The following ABCA10 variants were observed in gnomAD, a reference collection of about 807,000 sequenced individuals.
The protein encoded by ABCA10 is ATP-binding cassette sub-family A member 10.
ABCA10 carries 169 observed loss-of-function variants against 187.5 expected under a neutral mutation model. The observed-to-expected ratio is 0.90, with a 90% confidence interval of 0.80 to 1.02. The LOEUF (loss-of-function observed/expected upper bound fraction) is 1.02, where lower values mean the gene tolerates loss of function less well. ABCA10 is among the 50% of genes least tolerant of loss of function. The pLI, the probability that ABCA10 is intolerant of heterozygous loss-of-function variation, is 0.00. For missense variants in ABCA10, 1,727 were observed against 1,812.4 expected (o/e 0.95, Z 0.86); for synonymous variants, 574 against 601.8 (o/e 0.95, Z 0.68).
rs1232440724 is a variant in ABCA10, at chr17:69,149,025, A to G, written c.4533+8T>C. The G allele has an allele frequency of 6.2e-7, 1 of 1,613,596 alleles. No individual in the cohort carries two copies. The highest frequency in any genetic ancestry group is 1.3e-5 in the African/African-American group (1 of 74,838). Reference sequence around the variant, plus strand: ...TGGATGGTGCTCACTCGTTCAATGAAAACCCACCTGCTCCAAGGTAGCCTG... The same window carrying G: ...TGGATGGTGCTCACTCGTTCAATGAGAACCCACCTGCTCCAAGGTAGCCTG... On this transcript the variant is annotated splice_region_variant and intron_variant, in intron 38 of 38. Transcript: ENST00000690296.
chr17:69,205,127 C>CA (rs1239519951), intron 9 of ABCA10, among the ~76,000 whole-genome samples: 3 of 150,858 alleles, frequency 2.0e-5, no homozygotes, highest in African/African-American at 7.3e-5. Flanking sequence ...GACCCTGTCT[C>CA]AAAAAAATAA....
chr17:69,223,575 G>T, intron 3 of ABCA10: 3 of 362,820 alleles, frequency 8.3e-6, no homozygotes, highest in East Asian at 9.3e-5. Flanking sequence ...TCTCACTCAG[G>T]GTGAAATCTA....
At chr17:69,194,136 A>T in intron 12 of ABCA10, 147 bp from the exon 13 acceptor site, 2 of 838,570 alleles carry the variant, frequency 2.4e-6, no homozygotes, top group East Asian at 5.4e-5. Flanking sequence ...AATACATTGA[A>T]TAATTCAGAT....
At chr17:69,215,180 A>G (rs9903652) in intron 8 of ABCA10, among the ~76,000 whole-genome samples, 13,864 of 152,212 alleles carry the variant, frequency 0.091, 2,156 homozygotes, top group African/African-American at 0.31. Flanking sequence ...AGTGGGCAAC[A>G]TAATTAGAGC....
chr17:69,157,911 A>AG (rs1041387008), intron 27 of ABCA10, among the ~76,000 whole-genome samples: 4 of 151,862 alleles, frequency 2.6e-5, no homozygotes, highest in Admixed American at 6.6e-5. Flanking sequence ...GACCTTAGGG[A>AG]GGGGGGGATT....
At chr17:69,183,811 G>A (rs2074399714) in intron 20 of ABCA10, among the ~76,000 whole-genome samples, 1 of 152,150 alleles carries the variant, frequency 6.6e-6, no homozygotes, top group Non-Finnish European at 1.5e-5. Flanking sequence ...GAAACTTCCA[G>A]CTGAACTTTG....
At chr17:69,215,784 T>C in intron 8 of ABCA10, 31 bp downstream of exon 8, 1 of 1,428,586 alleles carries the variant, frequency 7.0e-7, no homozygotes, top group African/African-American at 1.5e-5. Flanking sequence ...GAAAATCTAA[T>C]AATAAAATCT....
chr17:69,201,470 G>A, intron 10 of ABCA10, 30 bp downstream of exon 10: 2 of 1,515,688 alleles, frequency 1.3e-6, no homozygotes, highest in Admixed American at 2.3e-5. Flanking sequence ...TTACCTATAA[G>A]TGTACATAGT....
At chr17:69,196,995 G>A (rs1598109706) in intron 11 of ABCA10, 69 bp downstream of exon 11, 1 of 1,165,156 alleles carries the variant, frequency 8.6e-7, no homozygotes, top group Non-Finnish European at 1.2e-6. Flanking sequence ...GCATCAGAGG[G>A]AGACCGTGGA....
upstream of ABCA10, among the ~76,000 whole-genome samples, chr17:69,230,027 T>G (rs948202971): frequency 6.6e-6 from 1 of 152,100 alleles, no homozygotes; most frequent in African/African-American, 2.4e-5. Context: ...GTGTAGCCTT[T>G]AGAAGTGGTG....
At chr17:69,191,461 C>G (rs983576032) in intron 16 of ABCA10, 146 bp from the exon 17 acceptor site, 1 of 851,704 alleles carries the variant, frequency 1.2e-6, no homozygotes, top group African/African-American at 1.8e-5. Flanking sequence ...ATCAGATACT[C>G]CACTTCAAAT....
In ABCA10 at chr17:69,194,583, G is replaced by A. The variant is rs1017045925; in HGVS notation, c.1235-88C>T. The A allele has an allele frequency of 2.1e-5, 17 of 792,480 alleles. No homozygotes were observed. In the African/African-American group the frequency reaches 2.5e-4, roughly 12 times the overall value. 49.1% of individuals were successfully genotyped at this position (792,480 alleles called of 1,614,324 possible). The stretch of plus-strand genomic sequence containing the variant: ...AATTGGAAAAGTAAAATATATCTCA[G>A]CATTTCATTTCATTGGTATTTTAAT... On this transcript the variant is annotated intron_variant, in intron 11 of 38. Coordinates refer to ENST00000690296, the MANE Select transcript of ABCA10 (RefSeq NM_001377321.1).
intron 9 of ABCA10, among the ~76,000 whole-genome samples, chr17:69,211,349 A>ATG (rs1440354960): frequency 2.0e-4 from 4 of 20,006 alleles, no homozygotes; most frequent in African/African-American, 4.9e-4. Context: ...ATATATATAT[A>ATG]TATATATATA....
At chr17:69,193,402 A>C (rs901998751) in intron 14 of ABCA10, 91 bp downstream of exon 14, 33 of 1,514,640 alleles carry the variant, frequency 2.2e-5, no homozygotes, top group Non-Finnish European at 2.8e-5. Flanking sequence ...ATTTTCCCTC[A>C]CATTTGGTAA....
chr17:69,239,602 C>T (rs1361398113), intron 1 of ABCA10, among the ~76,000 whole-genome samples: 3 of 152,124 alleles, frequency 2.0e-5, no homozygotes, highest in East Asian at 1.9e-4. Flanking sequence ...GTCAGGCTTT[C>T]GACAGAGTTG....
Position 69,211,332 on chromosome 17 carries a change from TATATATATATATA to T in ABCA10, c.1006+3359_1006+3371del, listed in dbSNP as rs970172550. On this transcript the variant is annotated intron_variant, in intron 9 of 38. Coordinates refer to ENST00000690296, the MANE Select transcript of ABCA10 (RefSeq NM_001377321.1). ...TATATATGATATATATATATATATA[TATATATATATATA>T]TATATATATATATATACACACACAC... Among the ~76,000 whole-genome samples, 71 of 112,098 alleles carry T rather than the reference TATATATATATATA, an allele frequency of 6.3e-4. 3 individuals carry two copies. In the South Asian group the frequency reaches 9.0e-3, roughly 14 times the overall value. The allele number at this position is 112,098 out of a possible 152,430, so 73.5% of individuals were successfully genotyped here. A position where few individuals can be genotyped will look rare whatever the true frequency, so the allele number is the denominator to read the frequency against.
intron 8 of ABCA10, 37 bp from the exon 9 acceptor site, chr17:69,214,888 CT>C: frequency 7.1e-7 from 1 of 1,411,700 alleles, no homozygotes; most frequent in Non-Finnish European, 9.4e-7. Context: ...GTTAGATGAA[CT>C]TATAAAACTA....
rs1200974958 is a variant in ABCA10, at chr17:69,222,616, A to G, written c.116T>C (p.Ile39Thr). ...GCGATATGAGAAAGTATCACTAAAT[A>G]TAACTCCCACCATTTCATGGTATTT... is the stretch of plus-strand genomic sequence containing the variant. ...PKKYHEMVGV[I>T]FSDTFSYRLK... Residue 39 changes from isoleucine (I) to threonine (T), a missense_variant, in exon 4 of 39, where the codon ATA becomes ACA. Physicochemically the swap from Ile to Thr is moderately conservative, Grantham distance 89. Coordinates refer to ENST00000690296, the MANE Select transcript of ABCA10 (RefSeq NM_001377321.1). 2 of 1,603,646 alleles carry G rather than the reference A, an allele frequency of 1.2e-6. No individual in the cohort carries two copies. Among genetic ancestry groups the G allele is most frequent in the Non-Finnish European group, 1.7e-6 (2 of 1,177,726 alleles).
intron 28 of ABCA10, among the ~76,000 whole-genome samples, chr17:69,156,251 A>T (rs181511480): frequency 1.3e-5 from 2 of 152,190 alleles, no homozygotes; most frequent in African/African-American, 4.8e-5. Flanking sequence ...CTCATAAAAG[A>T]TCATCCTAAC....
Sources: gnomAD v4.1 joint callset for allele counts (sites outside exome capture counted in the v4.1 genomes callset) on GRCh38, gnomAD v4.1.1 for gene constraint, MANE v1.5 for transcripts, NCBI Gene and HGNC (gene_info 2026-07-23, HGNC 2026-07-21) for gene names.